EFHB: variants seen among roughly 807,000 people sequenced by gnomAD.
EFHB encodes EF-hand domain family member B.
In EFHB, 91 loss-of-function variants were observed where a neutral mutation model predicts 87.2. The observed-to-expected ratio is 1.04, with a 90% CI of 0.88 to 1.24. The LOEUF (loss-of-function observed/expected upper bound fraction) is 1.24. Among genes scored for constraint, EFHB ranks in the 50% most tolerant of loss-of-function variants. The pLI, the probability that EFHB is intolerant of heterozygous loss-of-function variation, is 0.00. For synonymous variants in EFHB, 325 were observed against 333.6 expected (o/e 0.97, Z 0.28); for missense variants, 1,084 against 998.8 (o/e 1.09, Z -1.15).
chr3:19,884,669 C>A, intron 10 of EFHB, 54 bp from the exon 11 acceptor site: 1 of 1,521,022 alleles, frequency 6.6e-7, no homozygotes, highest in Non-Finnish European at 9.0e-7. Context: ...CTACTTAGTG[C>A]TTGCTGCTCT....
In EFHB at chr3:19,933,592, T is replaced by C. The variant is rs1695910170; in HGVS notation, c.427A>G (p.Arg143Gly). ...GGGCCACTAGCCAAAGGAGCTCTCC[T>C]GCTCCCTGCAGCCTGTGAACTTCCA... ...VCGSSQAAGSRRAPLASGPEG... is the reference protein window; with the variant it reads ...VCGSSQAAGSGRAPLASGPEG... The change falls in exon 1 of 13, where the codon AGG (arginine) becomes GGG (glycine). Residue 143 changes from arginine to glycine, a missense_variant. By Grantham distance (125) the Arg-to-Gly change is moderately radical. Transcript: ENST00000295824. The C allele has an allele frequency of 6.2e-7, 1 of 1,614,022 alleles. No homozygotes were observed. The highest frequency in any genetic ancestry group is 8.5e-7 in the Non-Finnish European group (1 of 1,179,896).
At chr3:19,934,589 G>A (rs1695965534), upstream of EFHB, among the ~76,000 whole-genome samples, 1 of 152,014 alleles carries the variant, frequency 6.6e-6, no homozygotes, top group South Asian at 2.1e-4. Flanking sequence ...TGAGTGATGT[G>A]GCTTTCGGCG....
At chr3:19,910,686 A>G (rs1388309314) in intron 5 of EFHB, among the ~76,000 whole-genome samples, 3 of 152,300 alleles carry the variant, frequency 2.0e-5, no homozygotes, top group South Asian at 4.1e-4. Flanking sequence ...GATCCAATAC[A>G]GTCAGCAGTG....
chr3:19,926,425 G>A (rs1393578615), intron 1 of EFHB, among the ~76,000 whole-genome samples: 3 of 151,892 alleles, frequency 2.0e-5, no homozygotes, highest in African/African-American at 4.8e-5. Context: ...GTGCAGTGGC[G>A]CAATCTCGGC....
intron 1 of EFHB, among the ~76,000 whole-genome samples, chr3:19,921,832 T>C (rs1285970664): frequency 6.6e-6 from 1 of 152,050 alleles, no homozygotes; most frequent in Non-Finnish European, 1.5e-5. Context: ...GAATATTGTC[T>C]CTCTCTATAC....
intron 5 of EFHB, among the ~76,000 whole-genome samples, chr3:19,908,331 G>A (rs1279221357): frequency 1.3e-5 from 2 of 152,104 alleles, no homozygotes; most frequent in South Asian, 2.1e-4. Context: ...TTAGAAGTTC[G>A]AGACCAGCCT....
At chr3:19,920,087 C>T (rs1298967904) in intron 2 of EFHB, 111 bp from the exon 3 acceptor site, 3 of 1,113,332 alleles carry the variant, frequency 2.7e-6, no homozygotes, top group East Asian at 2.4e-5. Flanking sequence ...GTAGTAAATG[C>T]ATTTGGAACT....
intron 9 of EFHB, chr3:19,894,487 G>A (rs1040774540): frequency 6.6e-6 from 1 of 152,144 alleles, no homozygotes; most frequent in Non-Finnish European, 1.5e-5. Flanking sequence ...AAGCCAAGAA[G>A]ATTCATTTAG....
intron 1 of EFHB, among the ~76,000 whole-genome samples, chr3:19,945,295 A>G (rs577560647): frequency 1.3e-5 from 2 of 152,348 alleles, no homozygotes; most frequent in South Asian, 4.1e-4. Context: ...ACTAGAGTTA[A>G]AGAACTTTAG....
intron 12 of EFHB, among the ~76,000 whole-genome samples, chr3:19,881,246 C>T (rs1346036480): frequency 6.6e-6 from 1 of 152,190 alleles, no homozygotes; most frequent in Non-Finnish European, 1.5e-5. Flanking sequence ...CAGTCTTGAG[C>T]ATCCCAGACC....
At chr3:19,928,628 A>G (rs1179372012) in intron 1 of EFHB, among the ~76,000 whole-genome samples, 3 of 152,170 alleles carry the variant, frequency 2.0e-5, no homozygotes, top group Non-Finnish European at 1.5e-5. Flanking sequence ...AGTTTTTAGT[A>G]GAGACGGAGT....
chr3:19,883,158 G>A (rs958833191), intron 11 of EFHB, among the ~76,000 whole-genome samples: 1 of 151,738 alleles, frequency 6.6e-6, no homozygotes, highest in Non-Finnish European at 1.5e-5. Flanking sequence ...TTGCCATCAT[G>A]CCCAGCTAAT....
chr3:19,892,889 T>TAAAATAAACTAATAAG (rs79080019), intron 9 of EFHB, among the ~76,000 whole-genome samples: 1 of 147,816 alleles, frequency 6.8e-6, no homozygotes, highest in Non-Finnish European at 1.5e-5. Context: ...AATAAAATAA[T>TAAAATAAACTAATAAG]ATAAAATCAG....
chr3:19,892,514 G>A (rs1345221889), intron 9 of EFHB, among the ~76,000 whole-genome samples: 1 of 152,198 alleles, frequency 6.6e-6, no homozygotes, highest in East Asian at 1.9e-4. Flanking sequence ...TGGTGCAACA[G>A]CACCATGCAA....
rs1353190536 is a variant in EFHB, at chr3:19,919,895, C to G, written c.934G>C (p.Ala312Pro). The G allele has an allele frequency of 2.5e-6, 4 of 1,613,704 alleles. No individual in the cohort carries two copies. The South Asian group carries it at 4.4e-5, about 18-fold the overall frequency. The change falls in exon 3 of 13, where the codon GCA becomes CCA. Residue 312 changes from alanine to proline, a missense_variant. By Grantham distance (27) the Ala-to-Pro change is conservative. Transcript: ENST00000295824. ...AGVERVFYGR[A>P]NDPQIAPYLT... ...TAAGGTGCAATCTGGGGATCATTTG[C>G]TCTTCCGTAAAATACTCTTTCTACT...
intron 1 of EFHB, among the ~76,000 whole-genome samples, chr3:19,921,927 G>A (rs1156583851): frequency 6.6e-6 from 1 of 152,144 alleles, no homozygotes; most frequent in East Asian, 1.9e-4. Context: ...CACTTTGGGA[G>A]GTCAAGGTAG....
At chr3:19,924,733 C>A (rs568136956) in intron 1 of EFHB, among the ~76,000 whole-genome samples, 1 of 152,250 alleles carries the variant, frequency 6.6e-6, no homozygotes, top group African/African-American at 2.4e-5. Flanking sequence ...TCATATTGTA[C>A]TTGCCTGTGC....
intron 4 of EFHB, 144 bp from the exon 5 acceptor site, chr3:19,915,557 A>C: frequency 3.4e-6 from 2 of 587,250 alleles, no homozygotes; most frequent in Non-Finnish European, 6.0e-6. Flanking sequence ...AGCCAACATA[A>C]ATGATTTATC....
intron 8 of EFHB, 36 bp from the exon 9 acceptor site, chr3:19,896,877 A>G (rs770785445): frequency 2.2e-5 from 33 of 1,518,902 alleles, no homozygotes; most frequent in East Asian, 1.5e-4. Context: ...ACATAAATTT[A>G]AAGTCTTTCT....
Sources: allele counts gnomAD v4.1 joint callset (sites outside exome capture counted in the v4.1 genomes callset), GRCh38; gene constraint gnomAD v4.1.1; transcripts MANE v1.5; gene names NCBI Gene and HGNC (gene_info 2026-07-23, HGNC 2026-07-21).